THRB: variants seen among roughly 807,000 people sequenced by gnomAD.
THRB encodes the protein thyroid hormone receptor beta.
THRB carries 12 observed loss-of-function variants against 47.8 expected under a neutral mutation model. The observed-to-expected ratio is 0.25, with a 90% CI of 0.16 to 0.41. The LOEUF is 0.41. Among genes scored for constraint, THRB ranks in the 10% least tolerant of loss-of-function variants. The pLI is 1.00. For synonymous variants in THRB, 218 were observed against 212.2 expected (o/e 1.03, Z -0.24); for missense variants, 348 against 589.2 (o/e 0.59, Z 4.24).
intron 3 of THRB, among the ~76,000 whole-genome samples, chr3:24,281,348 G>A (rs1052807875): frequency 2.0e-5 from 3 of 151,236 alleles, no homozygotes; most frequent in African/African-American, 7.3e-5. Flanking sequence ...AGCTTCATAA[G>A]TGAAGGAGAA....
intron 3 of THRB, among the ~76,000 whole-genome samples, chr3:24,255,690 G>C (rs1201225469): frequency 1.3e-5 from 2 of 152,202 alleles, no homozygotes; most frequent in East Asian, 3.8e-4. Context: ...CTTATGTACA[G>C]GGTGATAGAT....
At chr3:24,191,765 C>T (rs2043375820) in intron 4 of THRB, among the ~76,000 whole-genome samples, 1 of 152,158 alleles carries the variant, frequency 6.6e-6, no homozygotes, top group Admixed American at 6.5e-5. Flanking sequence ...AATGCCAATG[C>T]CCATGCACAT....
intron 1 of THRB, among the ~76,000 whole-genome samples, chr3:24,368,566 G>A (rs1332910911): frequency 5.3e-5 from 8 of 152,184 alleles, no homozygotes; most frequent in Admixed American, 5.2e-4. Flanking sequence ...TTTTGGGTGC[G>A]ACAACTAGCA....
chr3:24,178,951 A>T (rs1033283775), intron 5 of THRB, among the ~76,000 whole-genome samples: 11 of 152,266 alleles, frequency 7.2e-5, no homozygotes, highest in African/African-American at 2.4e-4. Context: ...TGATAAATAC[A>T]TACAATTTTT....
chr3:24,294,049 G>A (rs1408762654), intron 3 of THRB, among the ~76,000 whole-genome samples: 4 of 152,162 alleles, frequency 2.6e-5, no homozygotes, highest in South Asian at 2.1e-4. Context: ...CTGACCCTGC[G>A]GCTTGCTTTG....
At chr3:24,285,776 G>A (rs539929775) in intron 3 of THRB, among the ~76,000 whole-genome samples, 35 of 152,256 alleles carry the variant, frequency 2.3e-4, no homozygotes, top group Admixed American at 4.6e-4. Context: ...TAGAGTAAAA[G>A]TGATTTTGCA....
chr3:24,224,804 G>T (rs1320963230), intron 4 of THRB, among the ~76,000 whole-genome samples: 1 of 152,156 alleles, frequency 6.6e-6, no homozygotes, highest in East Asian at 1.9e-4. Context: ...AGTGGAAGGG[G>T]AACTAGGGAT....
chr3:24,222,249 G>GA (rs1360648782), intron 4 of THRB, among the ~76,000 whole-genome samples: 2 of 151,824 alleles, frequency 1.3e-5, no homozygotes, highest in African/African-American at 4.8e-5. Flanking sequence ...TGTGTGACAG[G>GA]AAAAAAAAGT....
chr3:24,233,595 G>GAAAGAAAGAAAAAT (rs1418899087), intron 3 of THRB, among the ~76,000 whole-genome samples: 2,987 of 143,940 alleles, frequency 0.021, 65 homozygotes, highest in Non-Finnish European at 0.03. Context: ...AAGAAAGAAA[G>GAAAGAAAGAAAAAT]AAAGAAAGAA....
At chr3:24,186,896 G>C in intron 5 of THRB, among the ~76,000 whole-genome samples, 1 of 129,596 alleles carries the variant, frequency 7.7e-6, no homozygotes, top group Non-Finnish European at 1.6e-5. Context: ...AGTGAGCCGA[G>C]ATTGCGCCAC....
chr3:24,460,972 T>G (rs1381201354), intron 1 of THRB, among the ~76,000 whole-genome samples: 2 of 152,198 alleles, frequency 1.3e-5, no homozygotes, highest in African/African-American at 4.8e-5. Context: ...AGAGCCTCAC[T>G]GGTCAATTGT....
rs142942848 is a variant in THRB at position 24,278,795 on chromosome 3, T to C, written c.-43+18431A>G. The stretch of plus-strand genomic sequence containing the variant: ...CAACGTGGCAGCTGCTCAGAACTGC[T>C]CACTGATGAATATGCACCATTCATT... On this transcript the variant is annotated intron_variant, in intron 3 of 10. Transcript: ENST00000646209. 2.6e-3 allele frequency among the ~76,000 whole-genome samples: 392 copies of C among 152,342 alleles called. 9 individuals carry two copies. Among genetic ancestry groups the C allele is most frequent in the East Asian group, 0.024 (127 of 5,192 alleles).
chr3:24,285,911 C>G (rs943789383), intron 3 of THRB, among the ~76,000 whole-genome samples: 1 of 152,148 alleles, frequency 6.6e-6, no homozygotes, highest in Admixed American at 6.5e-5. Context: ...GAAGCACTAA[C>G]CCCCAATGTG....
At chr3:24,297,532 A>G (rs1295406398) in intron 2 of THRB, among the ~76,000 whole-genome samples, 161 bp from the exon 3 acceptor site, 1 of 152,234 alleles carries the variant, frequency 6.6e-6, no homozygotes, top group Non-Finnish European at 1.5e-5. Flanking sequence ...CTATAAACAA[A>G]TGCATACTCA....
At chr3:24,332,114 T>G (rs2061966765) in intron 2 of THRB, among the ~76,000 whole-genome samples, 1 of 152,200 alleles carries the variant, frequency 6.6e-6, no homozygotes, top group African/African-American at 2.4e-5. Flanking sequence ...AGATTGTAGA[T>G]AGAAGTTGCT....
chr3:24,173,858 G>T (rs2040774071), intron 5 of THRB, among the ~76,000 whole-genome samples: 1 of 152,040 alleles, frequency 6.6e-6, no homozygotes, highest in Non-Finnish European at 1.5e-5. Flanking sequence ...GTGCCTTCCA[G>T]ACCTGCATTC....
chr3:24,293,411 G>C (rs1253514707), intron 3 of THRB, among the ~76,000 whole-genome samples: 1 of 152,134 alleles, frequency 6.6e-6, no homozygotes, highest in African/African-American at 2.4e-5. Flanking sequence ...GAAAACTCTA[G>C]CTCATTATGG....
intron 1 of THRB, among the ~76,000 whole-genome samples, chr3:24,465,644 T>C (rs1247848262): frequency 6.6e-6 from 1 of 152,186 alleles, no homozygotes; most frequent in Non-Finnish European, 1.5e-5. Context: ...CCTCAAGTGA[T>C]CTGCACACCT....
intron 5 of THRB, among the ~76,000 whole-genome samples, chr3:24,174,532 C>T (rs1443064926): frequency 6.6e-6 from 1 of 152,146 alleles, no homozygotes; most frequent in African/African-American, 2.4e-5. Context: ...CCTGTTACCC[C>T]TCCCACAACC....
Sources: gnomAD v4.1 joint callset for allele counts (sites outside exome capture counted in the v4.1 genomes callset) on GRCh38, gnomAD v4.1.1 for gene constraint, MANE v1.5 for transcripts, NCBI Gene and HGNC (gene_info 2026-07-23, HGNC 2026-07-21) for gene names.